The following WDR7 variants were observed in gnomAD, a reference collection of about 807,000 sequenced individuals.
WDR7 encodes the protein WD repeat-containing protein 7.
A neutral mutation model predicts 169.4 loss-of-function variants in WDR7; 46 were observed. The ratio of observed to expected loss-of-function variants is 0.27; its 90% CI spans 0.21 to 0.35. The LOEUF is 0.35. Among genes scored for constraint, WDR7 ranks in the 10% least tolerant of loss-of-function variants. WDR7 has a pLI of 1.00. For missense variants in WDR7, 1,534 were observed against 1,859.3 expected, an observed-to-expected ratio of 0.83 and a Z score of 3.22; for synonymous variants, 612 against 666.8, an observed-to-expected ratio of 0.92 and a Z score of 1.27.
At chr18:56,961,712 C>T (rs2047342110) in intron 25 of WDR7, among the ~76,000 whole-genome samples, 1 of 152,118 alleles carries the variant, frequency 6.6e-6, no homozygotes, top group Non-Finnish European at 1.5e-5. Flanking sequence ...AAATCAATCT[C>T]TTACAATCTT....
chr18:56,824,787 A>C (rs1438821649), intron 20 of WDR7, among the ~76,000 whole-genome samples: 2 of 152,250 alleles, frequency 1.3e-5, no homozygotes, highest in Non-Finnish European at 2.9e-5. Context: ...TTAAAAGTTT[A>C]TCTTTTTCTC....
At chr18:56,680,607 AT>A (rs529206998) in intron 3 of WDR7, among the ~76,000 whole-genome samples, 271 of 152,112 alleles carry the variant, frequency 1.8e-3, no homozygotes, top group Middle Eastern at 0.01. Context: ...CATTTTATTA[AT>A]TTTTTTTGTT....
In WDR7 at chr18:56,938,588, C is replaced by T; in HGVS notation, c.3887C>T (p.Thr1296Ile). 4 of 1,613,906 alleles carry T rather than the reference C, an allele frequency of 2.5e-6. No homozygotes were observed. The highest frequency in any genetic ancestry group is 3.4e-6 in the Non-Finnish European group (4 of 1,179,906). ...ACCCAATCACAGCAGAATATGCACA[C>T]AACAACTCTTGCACGAGCTAAAGGG... The part of the protein sequence containing the change: ...ANTQSQQNMH[T>I]TTLARAKGEI... The change falls in exon 24 of 28, where the codon ACA becomes ATA. Residue 1296 changes from threonine to isoleucine, a missense_variant. Physicochemically the swap from Thr to Ile is moderately conservative, Grantham distance 89. Transcript: ENST00000254442.
chr18:56,991,865 T>G (rs549885961), intron 26 of WDR7, among the ~76,000 whole-genome samples: 26 of 152,368 alleles, frequency 1.7e-4, no homozygotes, highest in African/African-American at 5.8e-4. Context: ...CAGTTTCCCA[T>G]TATGAGTTCA....
At chr18:56,781,839 A>G (rs1048904777) in intron 19 of WDR7, 183 bp downstream of exon 19, 1 of 658,048 alleles carries the variant, frequency 1.5e-6, no homozygotes. Context: ...ACTTGCTTTA[A>G]AAAACAAAAG....
chr18:56,958,979 C>T (rs1349538866), intron 25 of WDR7, among the ~76,000 whole-genome samples: 4 of 152,160 alleles, frequency 2.6e-5, no homozygotes, highest in East Asian at 1.9e-4. Context: ...AAATAAAAAT[C>T]ATTGTTTAAT....
Position 56,717,950 on chromosome 18 carries a change from A to C in WDR7, c.1579-14A>C. The C allele has an allele frequency of 6.4e-7, 1 of 1,570,438 alleles. No individual in the cohort carries two copies. The highest frequency in any genetic ancestry group is 2.3e-5 in the East Asian group (1 of 43,868). On this transcript the variant is annotated splice_polypyrimidine_tract_variant and intron_variant, in intron 12 of 27. Transcript: ENST00000254442. ...TTTAATTTAAACACAATTAAGGTTT[A>C]TTCTTCTTTTCAGGCAAGAGTACAG...
intron 26 of WDR7, among the ~76,000 whole-genome samples, chr18:56,966,520 A>T (rs2047412040): frequency 6.6e-6 from 1 of 152,136 alleles, no homozygotes; most frequent in Non-Finnish European, 1.5e-5. Flanking sequence ...AGAATATAGT[A>T]TATAACACAT....
At position 56,945,315 on chromosome 18, in the gene WDR7, T is replaced by C. The variant is rs369138601; in HGVS notation, c.4064+5922T>C. Reference sequence around the variant, plus strand: ...TGACTTTTCTGAACAGTCACACTGTTCAACTCTTCTATTATGCAATTCGTG... The same window carrying C: ...TGACTTTTCTGAACAGTCACACTGTCCAACTCTTCTATTATGCAATTCGTG... On this transcript the variant is annotated intron_variant, in intron 25 of 27. Transcript: ENST00000254442. 3.3e-5 allele frequency among the ~76,000 whole-genome samples: 5 copies of C among 152,170 alleles called. No homozygotes were observed. In the South Asian group the frequency reaches 6.2e-4, roughly 19 times the overall value.
At chr18:56,760,211 A>G (rs902769329) in intron 16 of WDR7, among the ~76,000 whole-genome samples, 1 of 152,204 alleles carries the variant, frequency 6.6e-6, no homozygotes, top group African/African-American at 2.4e-5. Flanking sequence ...TAGAAGCAGA[A>G]CACCCTTGTA....
At chr18:56,943,552 ATAT>A (rs1195337319) in intron 25 of WDR7, among the ~76,000 whole-genome samples, 1 of 152,210 alleles carries the variant, frequency 6.6e-6, no homozygotes, top group Non-Finnish European at 1.5e-5. Flanking sequence ...TATTCACACA[ATAT>A]TATTTTTCCA....
intron 16 of WDR7, among the ~76,000 whole-genome samples, chr18:56,772,707 A>G (rs147029920): frequency 6.6e-6 from 1 of 151,076 alleles, no homozygotes; most frequent in East Asian, 1.9e-4. Flanking sequence ...AAATATACCT[A>G]TATAATAGAA....
chr18:56,762,251 T>C (rs2043990376), intron 16 of WDR7, among the ~76,000 whole-genome samples: 1 of 151,986 alleles, frequency 6.6e-6, no homozygotes, highest in African/African-American at 2.4e-5. Context: ...AACTTTTTTT[T>C]TCTGATGTCC....
intron 19 of WDR7, among the ~76,000 whole-genome samples, chr18:56,796,731 T>C (rs967245613): frequency 4.6e-5 from 7 of 152,186 alleles, no homozygotes; most frequent in African/African-American, 1.7e-4. Flanking sequence ...TCAGTTCTTT[T>C]ACATTTTCTT....
intron 19 of WDR7, among the ~76,000 whole-genome samples, chr18:56,800,460 A>G (rs1259070932): frequency 1.3e-5 from 2 of 152,026 alleles, no homozygotes; most frequent in Non-Finnish European, 2.9e-5. Flanking sequence ...TTCTTTCTTT[A>G]TATCTTATAT....
chr18:56,657,875 T>A (rs1201828229), intron 1 of WDR7, among the ~76,000 whole-genome samples: 1 of 152,178 alleles, frequency 6.6e-6, no homozygotes, highest in Non-Finnish European at 1.5e-5. Flanking sequence ...TTTACTATTT[T>A]AAATAAAATT....
At chr18:57,011,672 A>C (rs967324082) in intron 26 of WDR7, among the ~76,000 whole-genome samples, 2 of 152,232 alleles carry the variant, frequency 1.3e-5, no homozygotes, top group Non-Finnish European at 2.9e-5. Flanking sequence ...GAAATTATAG[A>C]GATAAACACT....
intron 5 of WDR7, among the ~76,000 whole-genome samples, chr18:56,683,794 A>T (rs2025395023): frequency 6.6e-6 from 1 of 152,298 alleles, no homozygotes. Flanking sequence ...TCAACTTTAT[A>T]GGAGCTTTTG....
Position 56,728,856 on chromosome 18 carries a change from C to T in WDR7, c.1775-2527C>T, listed in dbSNP as rs143341450. 2.5e-3 allele frequency among the ~76,000 whole-genome samples: 384 copies of T among 152,288 alleles called. 3 individuals are homozygous for T. The East Asian group carries it at 0.031, about 12-fold the overall frequency. ...GTGCCAAGCTGCTGCCACCACTTCC[C>T]TCTTGTTTAGCTTCCCTCTGCACCC... On this transcript the variant is annotated intron_variant, in intron 13 of 27. Transcript: ENST00000254442.
Sources: allele counts gnomAD v4.1 joint callset (sites outside exome capture counted in the v4.1 genomes callset), GRCh38; gene constraint gnomAD v4.1.1; transcripts MANE v1.5; gene names NCBI Gene and HGNC (gene_info 2026-07-23, HGNC 2026-07-21).